The following MAGI1 variants were observed in gnomAD, a reference collection of about 807,000 sequenced individuals.
MAGI1 encodes membrane associated guanylate kinase, WW and PDZ domain containing 1.
A neutral mutation model predicts 139.9 loss-of-function variants in MAGI1; 58 were observed. The ratio of observed to expected loss-of-function variants is 0.41; its 90% CI spans 0.34 to 0.52. The LOEUF is 0.52. MAGI1 is among the 20% of genes least tolerant of loss of function. The pLI, the probability that MAGI1 is intolerant of heterozygous loss-of-function variation, is 0.12. For missense variants in MAGI1, 1,874 were observed against 1,901.6 expected (o/e 0.99, Z 0.27); for synonymous variants, 812 against 737.9 (o/e 1.10, Z -1.63).
intron 1 of MAGI1, among the ~76,000 whole-genome samples, chr3:65,780,025 G>C (rs185017287): frequency 2.4e-4 from 34 of 142,794 alleles, no homozygotes; most frequent in Middle Eastern, 7.0e-3. Flanking sequence ...AATTTTTTGG[G>C]GGGGGAAGGG....
intron 4 of MAGI1, among the ~76,000 whole-genome samples, chr3:65,470,766 A>G (rs1559584423): frequency 6.6e-6 from 1 of 152,180 alleles, no homozygotes; most frequent in African/African-American, 2.4e-5. Context: ...TGGAAATGTC[A>G]AAGAAGAAAC....
At chr3:65,592,174 C>A (rs770967816) in intron 2 of MAGI1, among the ~76,000 whole-genome samples, 3 of 152,144 alleles carry the variant, frequency 2.0e-5, no homozygotes, top group Non-Finnish European at 2.9e-5. Context: ...ATAAATATAT[C>A]TTAGTGTTTC....
At position 65,383,514 on chromosome 3, in the gene MAGI1, G is replaced by A. The variant is rs765204522; in HGVS notation, c.2508+18C>T. 2 of 1,584,974 alleles carry A rather than the reference G, an allele frequency of 1.3e-6. No homozygotes were observed. Among genetic ancestry groups the A allele is most frequent in the Non-Finnish European group, 1.7e-6 (2 of 1,153,636 alleles). On this transcript the variant is annotated intron_variant, in intron 15 of 22. Transcript: ENST00000402939. ...CTTAGAAAAATATGCTGGGAAGAGA[G>A]ACAAGCAAAAGACTCACAGGTTCCC...
chr3:65,600,212 G>C (rs1365517668), intron 2 of MAGI1, among the ~76,000 whole-genome samples: 1 of 152,162 alleles, frequency 6.6e-6, no homozygotes, highest in Non-Finnish European at 1.5e-5. Context: ...AATCTGCATA[G>C]AGACTTCCCT....
intron 14 of MAGI1, among the ~76,000 whole-genome samples, chr3:65,390,104 T>C (rs1943786691): frequency 6.6e-6 from 1 of 152,098 alleles, no homozygotes; most frequent in African/African-American, 2.4e-5. Flanking sequence ...GTCTGTGTAG[T>C]GGACGGGAGG....
intron 1 of MAGI1, among the ~76,000 whole-genome samples, chr3:65,690,409 T>C: frequency 6.6e-6 from 1 of 152,320 alleles, no homozygotes; most frequent in East Asian, 1.9e-4. Flanking sequence ...CAGAAATGTT[T>C]TAAAATGCTT....
chr3:65,741,897 C>G (rs2035304932), intron 1 of MAGI1, among the ~76,000 whole-genome samples: 1 of 152,132 alleles, frequency 6.6e-6, no homozygotes, highest in South Asian at 2.1e-4. Context: ...ATTTTAATCA[C>G]CCATTCATTC....
At chr3:65,465,928 GTTGA>G (rs1950141492) in intron 5 of MAGI1, among the ~76,000 whole-genome samples, 1 of 152,078 alleles carries the variant, frequency 6.6e-6, no homozygotes, top group Non-Finnish European at 1.5e-5. Context: ...TCTTCCCCCA[GTTGA>G]TTTTCTCTCT....
At chr3:65,450,176 G>A (rs1364400234) in intron 6 of MAGI1, among the ~76,000 whole-genome samples, 1 of 152,300 alleles carries the variant, frequency 6.6e-6, no homozygotes, top group East Asian at 1.9e-4. Context: ...AGAAAACCTA[G>A]AGAGGCTGAC....
chr3:65,664,557 A>G (rs1377743807), intron 1 of MAGI1, among the ~76,000 whole-genome samples: 1 of 152,214 alleles, frequency 6.6e-6, no homozygotes. Context: ...GTGGTTTCTC[A>G]TTCCAGTTTC....
chr3:65,726,909 T>C (rs1013842214), intron 1 of MAGI1, among the ~76,000 whole-genome samples: 8 of 148,780 alleles, frequency 5.4e-5, no homozygotes, highest in African/African-American at 2.0e-4. Context: ...ATAAACAGGT[T>C]GAGTATCCCT....
At chr3:65,794,234 G>T (rs114501860) in intron 1 of MAGI1, among the ~76,000 whole-genome samples, 2 of 152,124 alleles carry the variant, frequency 1.3e-5, no homozygotes, top group Admixed American at 6.5e-5. Flanking sequence ...GTGGAAAGAG[G>T]CTAAAAATAC....
At chr3:65,811,789 G>T (rs1394596329) in intron 1 of MAGI1, among the ~76,000 whole-genome samples, 1 of 151,818 alleles carries the variant, frequency 6.6e-6, no homozygotes, top group Non-Finnish European at 1.5e-5. Context: ...TGCCCAAGTG[G>T]CATGAGCTAA....
At chr3:65,605,033 A>G (rs2082668533) in intron 2 of MAGI1, among the ~76,000 whole-genome samples, 1 of 152,240 alleles carries the variant, frequency 6.6e-6, no homozygotes, top group Admixed American at 6.5e-5. Flanking sequence ...CCATGAAAAT[A>G]TGCAACTTAA....
chr3:65,800,715 A>C lies in MAGI1; in HGVS notation c.314-178627T>G, dbSNP rs555108853. On this transcript the variant is annotated intron_variant, in intron 1 of 22. Transcript: ENST00000402939. Reference sequence around the variant, plus strand: ...GTGATAGCAAAAACTAAAACTAAAAATAAAATAAAATTTTTAAATATGTAT... The same window carrying C: ...GTGATAGCAAAAACTAAAACTAAAACTAAAATAAAATTTTTAAATATGTAT... Among the ~76,000 whole-genome samples, 24 of 152,354 alleles carry C rather than the reference A, an allele frequency of 1.6e-4. No individual in the cohort carries two copies. In the South Asian group the frequency reaches 5.0e-3, roughly 32 times the overall value.
At chr3:65,970,948 T>TA (rs1483379210) in intron 1 of MAGI1, among the ~76,000 whole-genome samples, 2 of 152,218 alleles carry the variant, frequency 1.3e-5, no homozygotes, top group Admixed American at 1.3e-4. Flanking sequence ...CTCATGCCTG[T>TA]AATCCCAGCA....
intron 1 of MAGI1, among the ~76,000 whole-genome samples, chr3:65,644,425 A>G (rs1252189707): frequency 1.3e-5 from 2 of 151,494 alleles, no homozygotes; most frequent in African/African-American, 2.4e-5. Context: ...CCAAAAAAAA[A>G]AAAAAAAACC....
chr3:66,016,214 G>C (rs2067628430), intron 1 of MAGI1, among the ~76,000 whole-genome samples: 1 of 152,152 alleles, frequency 6.6e-6, no homozygotes, highest in African/African-American at 2.4e-5. Flanking sequence ...ATTCAGTGTT[G>C]CCTTTGCTCT....
intron 8 of MAGI1, among the ~76,000 whole-genome samples, chr3:65,440,913 TATAC>T (rs1217754699): frequency 0.022 from 3,353 of 150,662 alleles, 144 homozygotes; most frequent in African/African-American, 0.079. Context: ...TGTATATATA[TATAC>T]ACACACACAC....
Sources: gnomAD v4.1 joint callset for allele counts (sites outside exome capture counted in the v4.1 genomes callset) on GRCh38, gnomAD v4.1.1 for gene constraint, MANE v1.5 for transcripts, NCBI Gene and HGNC (gene_info 2026-07-23, HGNC 2026-07-21) for gene names.